The following SIMC1 variants were observed in gnomAD, a reference collection of about 807,000 sequenced individuals.
The protein encoded by SIMC1 is SUMO-interacting motif-containing protein 1.
In SIMC1, 55 loss-of-function variants were observed where a neutral mutation model predicts 82.3. The ratio of observed to expected loss-of-function variants is 0.67; its 90% confidence interval spans 0.54 to 0.84. The LOEUF (loss-of-function observed/expected upper bound fraction) is 0.84. Among genes scored for constraint, SIMC1 ranks in the 40% least tolerant of loss-of-function variants. SIMC1 has a pLI of 0.00. For synonymous variants in SIMC1, 353 were observed against 426.3 expected (o/e 0.83, Z 2.12); for missense variants, 915 against 1,107.2 (o/e 0.83, Z 2.46).
chr5:176,310,248 T>G (rs1254113959), intron 4 of SIMC1, among the ~76,000 whole-genome samples: 2 of 152,252 alleles, frequency 1.3e-5, no homozygotes, highest in Non-Finnish European at 2.9e-5. Context: ...TATAAATTTC[T>G]TATCGAGTTA....
At chr5:176,315,855 G>A (rs552863808) in intron 5 of SIMC1, among the ~76,000 whole-genome samples, 119 of 152,250 alleles carry the variant, frequency 7.8e-4, no homozygotes, top group Non-Finnish European at 1.4e-3. Flanking sequence ...TCAACAGAGA[G>A]CACAAGACAG....
At chr5:176,286,136 C>T (rs1252376867) in intron 1 of SIMC1, among the ~76,000 whole-genome samples, 2 of 152,276 alleles carry the variant, frequency 1.3e-5, no homozygotes, top group Admixed American at 1.3e-4. Flanking sequence ...AAAAAAACTA[C>T]TTTAAAGTTC....
chr5:176,333,636 G>T (rs1765765548), intron 7 of SIMC1, among the ~76,000 whole-genome samples: 1 of 152,072 alleles, frequency 6.6e-6, no homozygotes, highest in Non-Finnish European at 1.5e-5. Flanking sequence ...CACCGTGTTG[G>T]CCAGGCTGGT....
At chr5:176,267,733 GTTTTTTTTTTTT>G (rs1159766316) in intron 1 of SIMC1, among the ~76,000 whole-genome samples, 1 of 27,236 alleles carries the variant, frequency 3.7e-5, no homozygotes, top group African/African-American at 2.0e-4. Context: ...TTTTCTTTCT[GTTTTTTTTTTTT>G]TTTTTTTTTT....
chr5:176,313,623 G>C (rs1764767282), intron 4 of SIMC1, 68 bp from the exon 5 acceptor site: 1 of 1,591,514 alleles, frequency 6.3e-7, no homozygotes, highest in African/African-American at 1.3e-5. Context: ...GTATTTATGA[G>C]AGCCCAATGT....
At chr5:176,255,435 G>A (rs1162348641) in intron 1 of SIMC1, among the ~76,000 whole-genome samples, 2 of 151,934 alleles carry the variant, frequency 1.3e-5, no homozygotes, top group Admixed American at 6.6e-5. Flanking sequence ...TACAAAAAAT[G>A]AGCTGGGTGT....
At chr5:176,288,682 T>C (rs1032776968) in intron 1 of SIMC1, among the ~76,000 whole-genome samples, 2 of 152,152 alleles carry the variant, frequency 1.3e-5, no homozygotes, top group African/African-American at 2.4e-5. Context: ...CACTCAGAAT[T>C]CTGTATTCTG....
chr5:176,250,148 T>C (rs1392439988), intron 1 of SIMC1, among the ~76,000 whole-genome samples: 1 of 152,176 alleles, frequency 6.6e-6, no homozygotes, highest in Non-Finnish European at 1.5e-5. Flanking sequence ...CAAAGAATTA[T>C]TTATTTCTGC....
intron 4 of SIMC1, among the ~76,000 whole-genome samples, chr5:176,310,684 G>A (rs778929729): frequency 3.3e-5 from 5 of 152,128 alleles, no homozygotes; most frequent in Admixed American, 1.3e-4. Flanking sequence ...AAGGGATGAC[G>A]CAAGGAGTTC....
intron 1 of SIMC1, among the ~76,000 whole-genome samples, chr5:176,247,041 C>G (rs1761473873): frequency 6.6e-6 from 1 of 152,072 alleles, no homozygotes; most frequent in African/African-American, 2.4e-5. Flanking sequence ...CAAGTCTTTG[C>G]TATTGTGAAT....
chr5:176,265,029 G>A (rs1159796824), intron 1 of SIMC1, among the ~76,000 whole-genome samples: 1 of 152,076 alleles, frequency 6.6e-6, no homozygotes, highest in East Asian at 1.9e-4. Flanking sequence ...TAGGAAAGGG[G>A]AATAAAAGGC....
chr5:176,308,571 T>A, intron 4 of SIMC1: 1 of 1,591,538 alleles, frequency 6.3e-7, no homozygotes, highest in Non-Finnish European at 8.6e-7. Context: ...CCGGGTACTC[T>A]ACACTTGCTT....
At chr5:176,302,109 GACAA>G (rs1399974828) in intron 4 of SIMC1, among the ~76,000 whole-genome samples, 7 of 152,150 alleles carry the variant, frequency 4.6e-5, no homozygotes, top group Admixed American at 3.9e-4. Flanking sequence ...AAGGAATGAT[GACAA>G]GAAGAAACAT....
chr5:176,305,941 G>A (rs1304435783), intron 4 of SIMC1, among the ~76,000 whole-genome samples: 4 of 78,582 alleles, frequency 5.1e-5, no homozygotes, highest in African/African-American at 2.0e-4. Flanking sequence ...GGGAAGTGAG[G>A]AGCCCCTCTG....
intron 1 of SIMC1, among the ~76,000 whole-genome samples, chr5:176,249,658 G>A (rs1203694443): frequency 6.6e-6 from 1 of 151,804 alleles, no homozygotes; most frequent in Non-Finnish European, 1.5e-5. Flanking sequence ...GGCTAACATG[G>A]TGAAACCCCG....
At chr5:176,246,708 T>C (rs28570424) in intron 1 of SIMC1, among the ~76,000 whole-genome samples, 3,176 of 151,046 alleles carry the variant, frequency 0.021, 57 homozygotes, top group Middle Eastern at 0.069. Context: ...CTGCTGCACT[T>C]ATCAACCCAT....
intron 4 of SIMC1, among the ~76,000 whole-genome samples, chr5:176,298,508 C>T (rs1044069808): frequency 6.6e-6 from 1 of 152,136 alleles, no homozygotes; most frequent in Non-Finnish European, 1.5e-5. Context: ...GTGGTGCATG[C>T]CTGCAGTCTC....
chr5:176,322,229 A>C (rs540631061), intron 5 of SIMC1, 44 bp from the exon 6 acceptor site: 209 of 1,513,242 alleles, frequency 1.4e-4, no homozygotes, highest in Non-Finnish European at 1.8e-4. Context: ...TTTTCTGCAC[A>C]GAAAAAGAAA....
At chr5:176,340,210 A>G (rs764164642) in intron 9 of SIMC1, among the ~76,000 whole-genome samples, 1 of 152,216 alleles carries the variant, frequency 6.6e-6, no homozygotes, top group Non-Finnish European at 1.5e-5. Context: ...GCTGAGAGAA[A>G]AGCAAATGCA....
Sources: gnomAD v4.1 joint callset for allele counts (sites outside exome capture counted in the v4.1 genomes callset) on GRCh38, gnomAD v4.1.1 for gene constraint, MANE v1.5 for transcripts, NCBI Gene and HGNC (gene_info 2026-07-23, HGNC 2026-07-21) for gene names.